The following KLF8 variants were observed in gnomAD, a reference collection of about 807,000 sequenced individuals.
KLF8 encodes the protein KLF transcription factor 8.
A neutral mutation model predicts 18.2 loss-of-function variants in KLF8; 10 were observed. The ratio of observed to expected loss-of-function variants is 0.55; its 90% CI spans 0.34 to 0.93. The LOEUF (loss-of-function observed/expected upper bound fraction) is 0.93, where lower values mean the gene tolerates loss of function less well. KLF8 is among the 40% of genes least tolerant of loss of function. The pLI, the probability that KLF8 is intolerant of heterozygous loss-of-function variation, is 0.02. For missense variants in KLF8, 264 were observed against 277.9 expected (o/e 0.95, Z 0.36); for synonymous variants, 109 against 97.3 (o/e 1.12, Z -0.71).
chrX:56,091,703 C>T, the KLF8 span, among the ~76,000 whole-genome samples: 1 of 111,266 alleles, frequency 9.0e-6, no homozygotes, highest in Non-Finnish European at 1.9e-5. Flanking sequence ...CCATGTTAGC[C>T]AGAATAGTCT....
the KLF8 span, among the ~76,000 whole-genome samples, chrX:56,033,971 T>TTTTATA: frequency 8.9e-6 from 1 of 112,641 alleles, no homozygotes; most frequent in South Asian, 3.6e-4. Context: ...GATGTTGGCT[T>TTTTATA]GCAAATATTT....
At chrX:56,130,001 C>T in the KLF8 span, among the ~76,000 whole-genome samples, 1 of 110,309 alleles carries the variant, frequency 9.1e-6, no homozygotes, top group Non-Finnish European at 1.9e-5. Context: ...AACCTCCCAA[C>T]CCCCACAGCA....
chrX:56,030,319 C>T, the KLF8 span, among the ~76,000 whole-genome samples: 4 of 111,211 alleles, frequency 3.6e-5, no homozygotes, highest in East Asian at 5.7e-4. Context: ...TTTTGGTAAT[C>T]GGCTGGGACA....
chrX:56,105,408 T>G, the KLF8 span, among the ~76,000 whole-genome samples: 1 of 111,923 alleles, frequency 8.9e-6, no homozygotes, highest in Non-Finnish European at 1.9e-5. Context: ...CTGTATTGGG[T>G]ACAAATATAT....
chrX:56,266,739 A>G, intron 3 of KLF8: 3 of 753,557 alleles, frequency 4.0e-6, no homozygotes, highest in Non-Finnish European at 4.7e-6. Context: ...TGTTTTGCAT[A>G]AATCGGAAAG....
At chrX:55,984,149 C>T in the KLF8 span, among the ~76,000 whole-genome samples, 1 of 109,276 alleles carries the variant, frequency 9.2e-6, no homozygotes. Flanking sequence ...AAGTTCTGGG[C>T]TACATGTGCA....
chrX:56,259,405 G>A (rs2066853275), intron 2 of KLF8, among the ~76,000 whole-genome samples: 1 of 109,578 alleles, frequency 9.1e-6, no homozygotes, highest in Non-Finnish European at 1.9e-5. Context: ...TTTTTTTAAA[G>A]CTGGGCTGCT....
At chrX:56,140,438 A>G in the KLF8 span, among the ~76,000 whole-genome samples, 2 of 111,811 alleles carry the variant, frequency 1.8e-5, no homozygotes, top group African/African-American at 6.5e-5. Context: ...AAAAAGGAAC[A>G]AGGTCATGTA....
At chrX:56,187,036 T>C in the KLF8 span, among the ~76,000 whole-genome samples, 1 of 110,395 alleles carries the variant, frequency 9.1e-6, no homozygotes, top group African/African-American at 3.3e-5. Context: ...ACAGCAGAAC[T>C]GAAGGAAAGA....
the KLF8 span, among the ~76,000 whole-genome samples, chrX:56,095,772 G>C: frequency 3.6e-5 from 4 of 110,927 alleles, no homozygotes; most frequent in Non-Finnish European, 7.6e-5. Context: ...CACCAATCAG[G>C]ATGGCTATCA....
the KLF8 span, among the ~76,000 whole-genome samples, chrX:56,146,691 A>G: frequency 2.2e-5 from 2 of 92,313 alleles, no homozygotes; most frequent in African/African-American, 8.2e-5. Flanking sequence ...CTGCACATAT[A>G]CCCCAGAACT....
the KLF8 span, among the ~76,000 whole-genome samples, chrX:56,192,102 A>G: frequency 1.8e-5 from 2 of 112,159 alleles, no homozygotes; most frequent in Non-Finnish European, 3.8e-5. Context: ...AAACTATAAG[A>G]ACTGATAAAC....
the KLF8 span, among the ~76,000 whole-genome samples, chrX:56,195,803 GA>G: frequency 9.0e-6 from 1 of 111,251 alleles, no homozygotes; most frequent in Non-Finnish European, 1.9e-5. Flanking sequence ...GGTCAAAATG[GA>G]GGAAAAAGTT....
chrX:56,051,562 A>C, the KLF8 span, among the ~76,000 whole-genome samples: 1 of 110,756 alleles, frequency 9.0e-6, no homozygotes, highest in Non-Finnish European at 1.9e-5. Flanking sequence ...TTCTGGGTTG[A>C]AAATTCTTTT....
the KLF8 span, among the ~76,000 whole-genome samples, chrX:56,162,757 G>A: frequency 5.4e-5 from 6 of 111,075 alleles, no homozygotes; most frequent in African/African-American, 9.8e-5. Context: ...CTCACGCTCC[G>A]TATGCTGCAT....
At chrX:56,256,585 T>C (rs1249306271) in intron 2 of KLF8, among the ~76,000 whole-genome samples, 4 of 112,149 alleles carry the variant, frequency 3.6e-5, no homozygotes, top group Non-Finnish European at 5.6e-5. Flanking sequence ...GTTTTTGCTA[T>C]ATTCCATAGG....
the KLF8 span, among the ~76,000 whole-genome samples, chrX:55,933,360 A>G: frequency 1.8e-5 from 2 of 112,184 alleles, no homozygotes; most frequent in Non-Finnish European, 3.8e-5. Flanking sequence ...GTGCCTTATC[A>G]GATCTACTTA....
At chrX:56,035,110 A>G in the KLF8 span, among the ~76,000 whole-genome samples, 2 of 111,214 alleles carry the variant, frequency 1.8e-5, no homozygotes, top group Admixed American at 9.5e-5. Flanking sequence ...ATCTCTCCCT[A>G]TTCCTCATTC....
chrX:56,216,256 A>C, the KLF8 span, among the ~76,000 whole-genome samples: 1 of 110,836 alleles, frequency 9.0e-6, no homozygotes, highest in African/African-American at 3.3e-5. Flanking sequence ...ATCCCCTTCC[A>C]ATCAGTTCTC....
Sources: gnomAD v4.1 joint callset for allele counts (sites outside exome capture counted in the v4.1 genomes callset) on GRCh38, gnomAD v4.1.1 for gene constraint, MANE v1.5 for transcripts, NCBI Gene and HGNC (gene_info 2026-07-23, HGNC 2026-07-21) for gene names.